Variants in CSMD1 observed in about 807,000 individuals in gnomAD.
The protein encoded by CSMD1 is CUB and Sushi multiple domains 1.
In CSMD1, 213 loss-of-function variants were observed where a neutral mutation model predicts 417.5. That is an observed-to-expected ratio of 0.51 (90% CI 0.46 to 0.57). The LOEUF is 0.57. CSMD1 is among the 20% of genes least tolerant of loss of function. The probability of loss-of-function intolerance (pLI) is 0.00; values close to 1 mark genes in which losing one functional copy is unlikely to be tolerated. For synonymous variants in CSMD1, 2,862 were observed against 1,736.8 expected (o/e 1.65, Z -16.11); for missense variants, 6,923 against 4,529.7 (o/e 1.53, Z -15.17).
At chr8:4,235,179 G>T (rs756123449) in intron 3 of CSMD1, among the ~76,000 whole-genome samples, 3 of 152,056 alleles carry the variant, frequency 2.0e-5, no homozygotes, top group African/African-American at 7.2e-5. Flanking sequence ...TCTTTCAGAG[G>T]CATCTCTCTC....
chr8:4,824,989 G>T (rs1025510423), intron 1 of CSMD1, among the ~76,000 whole-genome samples: 1 of 152,034 alleles, frequency 6.6e-6, no homozygotes, highest in Non-Finnish European at 1.5e-5. Context: ...GAAAGTGAGC[G>T]AACCTGAATG....
At chr8:4,271,405 T>G (rs2128851796) in intron 3 of CSMD1, among the ~76,000 whole-genome samples, 1 of 152,278 alleles carries the variant, frequency 6.6e-6, no homozygotes, top group Admixed American at 6.5e-5. Context: ...TAGCTTTGCC[T>G]GATGCCCTGT....
intron 29 of CSMD1, among the ~76,000 whole-genome samples, chr8:3,218,599 C>T (rs1366657354): frequency 1.3e-5 from 2 of 150,282 alleles, no homozygotes; most frequent in African/African-American, 2.4e-5. Flanking sequence ...TGGCTGGGCA[C>T]GGTGACTCAC....
intron 3 of CSMD1, among the ~76,000 whole-genome samples, chr8:4,208,171 G>A (rs1432863643): frequency 1.7e-4 from 26 of 152,128 alleles, no homozygotes; most frequent in Admixed American, 1.7e-3. Flanking sequence ...AGGCTAAGGT[G>A]TTAGAAATGA....
At chr8:4,282,691 C>T (rs895659132) in intron 3 of CSMD1, among the ~76,000 whole-genome samples, 3 of 152,158 alleles carry the variant, frequency 2.0e-5, no homozygotes, top group African/African-American at 7.2e-5. Context: ...TTGGCTGTGA[C>T]AGCATCCTAA....
intron 5 of CSMD1, among the ~76,000 whole-genome samples, chr8:3,789,223 C>CCCTCGG (rs1799599548): frequency 6.6e-6 from 1 of 152,040 alleles, no homozygotes; most frequent in South Asian, 2.1e-4. Flanking sequence ...AGATAGTGGG[C>CCCTCGG]CCTCACCAGA....
intron 3 of CSMD1, among the ~76,000 whole-genome samples, chr8:4,043,944 T>C (rs1798020292): frequency 6.6e-6 from 1 of 152,164 alleles, no homozygotes; most frequent in African/African-American, 2.4e-5. Context: ...CACACCATAT[T>C]GTCCCAATTG....
intron 3 of CSMD1, among the ~76,000 whole-genome samples, chr8:4,227,161 C>T (rs1283967716): frequency 6.6e-6 from 1 of 152,108 alleles, no homozygotes; most frequent in Non-Finnish European, 1.5e-5. Context: ...CTCAGGCTGC[C>T]TCTTTGCCTG....
At chr8:4,066,955 G>A (rs947172331) in intron 3 of CSMD1, among the ~76,000 whole-genome samples, 7 of 152,194 alleles carry the variant, frequency 4.6e-5, no homozygotes, top group African/African-American at 1.7e-4. Flanking sequence ...AATACCCTCA[G>A]GGTGGAACCT....
At chr8:3,726,491 G>C (rs1802505664) in intron 6 of CSMD1, among the ~76,000 whole-genome samples, 1 of 152,074 alleles carries the variant, frequency 6.6e-6, no homozygotes, top group African/African-American at 2.4e-5. Flanking sequence ...CTTTAAACCA[G>C]AGATGAGAGG....
intron 3 of CSMD1, among the ~76,000 whole-genome samples, chr8:4,391,244 C>A (rs1223890021): frequency 6.6e-6 from 1 of 152,116 alleles, no homozygotes; most frequent in South Asian, 2.1e-4. Context: ...AGACAGCCAC[C>A]ATAACTCCCC....
In CSMD1 at chr8:4,678,323, A is replaced by G. The variant is rs373797167; in HGVS notation, c.86-40765T>C. On this transcript the variant is annotated intron_variant, in intron 1 of 69. Coordinates refer to ENST00000635120, the MANE Select transcript of CSMD1 (RefSeq NM_033225.6). ...CTACTTGGGAGGGTGAGGCATGAGA[A>G]TAACCTGAACCCAAGAGGTGGAGGT... is the stretch of plus-strand genomic sequence containing the variant. Among the ~76,000 whole-genome samples the G allele has an allele frequency of 3.3e-5, 5 of 152,206 alleles. No individual in the cohort carries two copies. The East Asian group carries it at 7.7e-4, about 24-fold the overall frequency.
intron 1 of CSMD1, among the ~76,000 whole-genome samples, chr8:4,644,905 T>A (rs372766287): frequency 1.3e-5 from 2 of 152,312 alleles, no homozygotes; most frequent in South Asian, 2.1e-4. Flanking sequence ...GTGGGTGAGT[T>A]TGAGTGCATG....
rs183610662 is a variant in CSMD1, at chr8:3,616,746, A to T, written c.1061T>A (p.Ile354Asn). ...LVSDMCPDPG[I>N]PENGRRAGSD... ...ACCTGCTCTTCTACCATTTTCTGGA[A>T]TCCCAGGATCTGGACACATGTCAGA... Residue 354 changes from isoleucine (I) to asparagine (N), a missense_variant, in exon 8 of 70, where the codon ATT (isoleucine) becomes AAT (asparagine). Coordinates refer to ENST00000635120, the MANE Select transcript of CSMD1 (RefSeq NM_033225.6). 1 of 1,612,666 alleles carries T rather than the reference A, an allele frequency of 6.2e-7. No individual in the cohort carries two copies. Among genetic ancestry groups the T allele is most frequent in the Non-Finnish European group, 8.5e-7 (1 of 1,179,202 alleles).
intron 3 of CSMD1, among the ~76,000 whole-genome samples, chr8:4,351,839 G>T (rs752397780): frequency 2.6e-5 from 4 of 152,198 alleles, no homozygotes; most frequent in African/African-American, 9.6e-5. Flanking sequence ...AGGCCAAGGA[G>T]ATGTCCAGGA....
chr8:3,793,968 A>C (rs775539250), intron 5 of CSMD1, among the ~76,000 whole-genome samples: 19 of 152,164 alleles, frequency 1.2e-4, no homozygotes, highest in Non-Finnish European at 2.2e-4. Context: ...ATGTGTAATA[A>C]ATGGTTCTTC....
intron 1 of CSMD1, among the ~76,000 whole-genome samples, chr8:4,961,157 T>C (rs1809455932): frequency 6.6e-6 from 1 of 152,222 alleles, no homozygotes; most frequent in Admixed American, 6.5e-5. Context: ...GAACAACTTT[T>C]TGTTTTCCTG....
At chr8:4,713,836 A>T (rs949287364) in intron 1 of CSMD1, among the ~76,000 whole-genome samples, 12 of 152,194 alleles carry the variant, frequency 7.9e-5, no homozygotes, top group Non-Finnish European at 1.5e-4. Context: ...CTGTCCTTTT[A>T]ATTTTCCTAT....
chr8:4,831,400 C>T (rs1347300137), intron 1 of CSMD1, among the ~76,000 whole-genome samples: 1 of 152,216 alleles, frequency 6.6e-6, no homozygotes, highest in Non-Finnish European at 1.5e-5. Context: ...ACAAAACTGC[C>T]GTCATTTATT....
Sources: allele counts gnomAD v4.1 joint callset (sites outside exome capture counted in the v4.1 genomes callset), GRCh38; gene constraint gnomAD v4.1.1; transcripts MANE v1.5; gene names NCBI Gene and HGNC (gene_info 2026-07-23, HGNC 2026-07-21).